The following ELMO1 variants were observed in gnomAD, a reference collection of about 807,000 sequenced individuals.
ELMO1 encodes the protein engulfment and cell motility 1.
In ELMO1, 26 loss-of-function variants were observed where a neutral mutation model predicts 98.9. The observed-to-expected ratio is 0.26, with a 90% CI of 0.19 to 0.36. The LOEUF (loss-of-function observed/expected upper bound fraction) is 0.36, where lower values mean the gene tolerates loss of function less well. ELMO1 is among the 10% of genes least tolerant of loss of function. The pLI is 1.00. For missense variants in ELMO1, 627 were observed against 935.2 expected, an observed-to-expected ratio of 0.67 and a Z score of 4.30; for synonymous variants, 346 against 346.0, an observed-to-expected ratio of 1.00 and a Z score of 0.00.
At chr7:37,313,781 A>G (rs1465120452) in intron 4 of ELMO1, among the ~76,000 whole-genome samples, 1 of 152,066 alleles carries the variant, frequency 6.6e-6, no homozygotes, top group Non-Finnish European at 1.5e-5. Context: ...TTCATGGATA[A>G]AATTACAGTC....
intron 7 of ELMO1, among the ~76,000 whole-genome samples, chr7:37,236,271 T>C (rs529358827): frequency 6.6e-6 from 1 of 152,296 alleles, no homozygotes; most frequent in South Asian, 2.1e-4. Flanking sequence ...AAAGTATCAT[T>C]TGGTTTCCAA....
At chr7:37,325,434 T>C (rs968203519) in intron 2 of ELMO1, among the ~76,000 whole-genome samples, 1 of 152,138 alleles carries the variant, frequency 6.6e-6, no homozygotes, top group African/African-American at 2.4e-5. Context: ...CTGACTGCCA[T>C]GGAGGCTCAG....
chr7:36,966,202 T>C (rs936234414), intron 16 of ELMO1, among the ~76,000 whole-genome samples: 4 of 152,244 alleles, frequency 2.6e-5, no homozygotes, highest in African/African-American at 4.8e-5. Flanking sequence ...CCATTCATTA[T>C]TGCAGAAGTC....
At chr7:37,285,618 A>T (rs74615615) in intron 4 of ELMO1, among the ~76,000 whole-genome samples, 1 of 152,224 alleles carries the variant, frequency 6.6e-6, no homozygotes, top group African/African-American at 2.4e-5. Flanking sequence ...TTCATGCACT[A>T]AGTACTGGTG....
chr7:37,336,301 G>C (rs1017534001), intron 2 of ELMO1, among the ~76,000 whole-genome samples: 4 of 152,092 alleles, frequency 2.6e-5, no homozygotes, highest in Non-Finnish European at 4.4e-5. Context: ...TAATACCTGT[G>C]AGACTCCTTT....
intron 13 of ELMO1, among the ~76,000 whole-genome samples, chr7:37,190,242 C>T (rs545197120): frequency 2.0e-5 from 3 of 152,256 alleles, no homozygotes; most frequent in South Asian, 2.1e-4. Context: ...CAGAGCAACA[C>T]GTTTCATTTG....
In ELMO1 at chr7:37,340,047, A is replaced by G. The variant is rs529447126; in HGVS notation, c.78+2566T>C. Among the ~76,000 whole-genome samples the G allele has an allele frequency of 1.4e-4, 22 of 152,326 alleles. No homozygotes were observed. In the South Asian group the frequency reaches 4.6e-3, roughly 32 times the overall value. On this transcript the variant is annotated intron_variant, in intron 2 of 21. Transcript: ENST00000310758. ...AAGACTGAGAAATTTCTAAAGATCA[A>G]TGGAGATCAAAGAGACCTGACAATA...
chr7:36,969,060 T>G (rs1789691339), intron 16 of ELMO1, among the ~76,000 whole-genome samples: 1 of 152,156 alleles, frequency 6.6e-6, no homozygotes, highest in Admixed American at 6.5e-5. Flanking sequence ...ATGTAAGTGA[T>G]GCATTTTTGA....
chr7:37,178,009 A>G (rs1399178349), intron 13 of ELMO1, among the ~76,000 whole-genome samples: 3 of 151,752 alleles, frequency 2.0e-5, no homozygotes, highest in African/African-American at 7.3e-5. Context: ...TTAATTGTAC[A>G]TGTCAACTTG....
chr7:37,021,971 TAC>T (rs1794295280), intron 15 of ELMO1, among the ~76,000 whole-genome samples: 1 of 152,124 alleles, frequency 6.6e-6, no homozygotes, highest in South Asian at 2.1e-4. Flanking sequence ...GACCCATATA[TAC>T]AGTCACTGGA....
chr7:36,863,949 C>G (rs1257704471), intron 20 of ELMO1, among the ~76,000 whole-genome samples: 1 of 152,162 alleles, frequency 6.6e-6, no homozygotes, highest in Non-Finnish European at 1.5e-5. Context: ...AACTCTCTGA[C>G]TCATGCTTGA....
rs188230183 is a variant in ELMO1 at position 37,159,428 on chromosome 7, C to T, written c.1087-26194G>A. ...ATAAAAACTTTCAGGGGGCTGGGCA[C>T]GGTGGCTCATGCCTGTAATTCCAGC... On this transcript the variant is annotated intron_variant, in intron 13 of 21. Transcript: ENST00000310758. 4.6e-5 allele frequency among the ~76,000 whole-genome samples: 7 copies of T among 152,242 alleles called. No individual in the cohort carries two copies. The East Asian group carries it at 1.2e-3, about 25-fold the overall frequency.
At chr7:37,283,113 T>C (rs1286003780) in intron 4 of ELMO1, among the ~76,000 whole-genome samples, 1 of 152,112 alleles carries the variant, frequency 6.6e-6, no homozygotes, top group Admixed American at 6.5e-5. Context: ...GGGTAGACAG[T>C]TCCCAGGAGC....
chr7:36,886,913 A>T (rs2076629753), intron 18 of ELMO1, among the ~76,000 whole-genome samples: 1 of 152,240 alleles, frequency 6.6e-6, no homozygotes, highest in South Asian at 2.1e-4. Flanking sequence ...TCCACATATA[A>T]AATAACTCTG....
intron 13 of ELMO1, among the ~76,000 whole-genome samples, chr7:37,149,041 C>T (rs964362699): frequency 4.6e-5 from 7 of 152,226 alleles, no homozygotes; most frequent in African/African-American, 1.7e-4. Context: ...GCTTTCCAGG[C>T]AGCCTCTGGT....
intron 13 of ELMO1, among the ~76,000 whole-genome samples, chr7:37,181,907 A>T (rs1050369815): frequency 2.0e-5 from 3 of 152,222 alleles, no homozygotes; most frequent in Non-Finnish European, 4.4e-5. Context: ...TTCTCAGTAG[A>T]GAAAAGAACA....
intron 16 of ELMO1, among the ~76,000 whole-genome samples, chr7:36,990,513 G>T (rs1434529797): frequency 1.3e-5 from 2 of 152,092 alleles, no homozygotes; most frequent in East Asian, 3.9e-4. Flanking sequence ...AATTCAGGGG[G>T]TGGGGTGGGA....
intron 4 of ELMO1, among the ~76,000 whole-genome samples, chr7:37,284,997 G>A (rs57668760): frequency 1.8e-4 from 27 of 152,228 alleles, no homozygotes; most frequent in Non-Finnish European, 1.0e-4. Context: ...TCCTGCACCC[G>A]GGCTCTGCTC....
At chr7:36,868,951 G>A (rs1271427437) in intron 20 of ELMO1, among the ~76,000 whole-genome samples, 1 of 152,168 alleles carries the variant, frequency 6.6e-6, no homozygotes, top group African/African-American at 2.4e-5. Flanking sequence ...CGAGATTGTG[G>A]AGAGAATACC....
Sources: allele counts gnomAD v4.1 joint callset (sites outside exome capture counted in the v4.1 genomes callset), GRCh38; gene constraint gnomAD v4.1.1; transcripts MANE v1.5; gene names NCBI Gene and HGNC (gene_info 2026-07-23, HGNC 2026-07-21).